The following CD2AP variants were observed in gnomAD, a reference collection of about 807,000 sequenced individuals.
CD2AP encodes the protein CD2 associated protein, also known as CD2-associated protein.
In CD2AP, 46 loss-of-function variants were observed where a neutral mutation model predicts 85.1. The observed-to-expected ratio is 0.54, with a 90% CI of 0.43 to 0.69. CD2AP has a LOEUF of 0.69. Ranked by LOEUF, CD2AP falls within the 30% of genes least tolerant of loss-of-function variation. CD2AP has a pLI of 0.00. For missense variants in CD2AP, 769 were observed against 729.5 expected (o/e 1.05, Z -0.62); for synonymous variants, 255 against 252.9 (o/e 1.01, Z -0.08).
chr6:47,609,085 A>G, intron 15 of CD2AP, 38 bp from the exon 16 acceptor site: 2 of 1,454,500 alleles, frequency 1.4e-6, no homozygotes, highest in Non-Finnish European at 9.4e-7. Flanking sequence ...TAAATATAAT[A>G]TTAAATAAAA....
In CD2AP at chr6:47,595,989, C is replaced by T; in HGVS notation, c.1237C>T (p.Pro413Ser). 6.2e-7 allele frequency: 1 copy of T among 1,612,810 alleles called. No homozygotes were observed. Among genetic ancestry groups the T allele is most frequent in the Non-Finnish European group, 8.5e-7 (1 of 1,179,100 alleles). Reference sequence around the variant, plus strand: ...TTCTGGAACAGTGTACCCAAAGCGACCTGAAAAACCAGTTCCTCCACCACC... The same window carrying T: ...TTCTGGAACAGTGTACCCAAAGCGATCTGAAAAACCAGTTCCTCCACCACC... The part of the protein sequence containing the change: ...RSSGTVYPKR[P>S]EKPVPPPPPI... The change falls in exon 12 of 18, where the codon CCT (proline) becomes TCT (serine). Residue 413 changes from proline to serine, a missense_variant. Physicochemically the swap from Pro to Ser is moderately conservative, Grantham distance 74 (BLOSUM62 -1). Transcript: ENST00000359314.
At chr6:47,602,922 A>C (rs113180106) in intron 13 of CD2AP, among the ~76,000 whole-genome samples, 291 of 152,154 alleles carry the variant, frequency 1.9e-3, no homozygotes, top group African/African-American at 6.8e-3. Flanking sequence ...AAAAAAAGCA[A>C]TTTTAAAGAA....
intron 1 of CD2AP, among the ~76,000 whole-genome samples, chr6:47,480,503 G>A (rs139686373): frequency 1.3e-5 from 2 of 152,278 alleles, no homozygotes; most frequent in Admixed American, 6.5e-5. Context: ...ATGGGCTCTG[G>A]ACAGAGACTA....
chr6:47,542,745 A>T (rs781303500), intron 3 of CD2AP, among the ~76,000 whole-genome samples: 17 of 152,336 alleles, frequency 1.1e-4, no homozygotes, highest in South Asian at 4.1e-4. Context: ...ACCATATCAG[A>T]TACCTAGAAT....
At chr6:47,478,371 C>T (rs12192946) in intron 1 of CD2AP, 123 bp downstream of exon 1, 2 of 1,098,812 alleles carry the variant, frequency 1.8e-6, no homozygotes, top group Non-Finnish European at 2.7e-6. Context: ...ACCCCACCCT[C>T]TCCATTCTCC....
In CD2AP at chr6:47,505,818, C is replaced by G. The variant is rs1766141469; in HGVS notation, c.165+2378C>G. 2.5e-5 allele frequency among the ~76,000 whole-genome samples: 3 copies of G among 119,640 alleles called. No homozygotes were observed. In the South Asian group the frequency reaches 8.7e-4, roughly 35 times the overall value. The allele number at this position is 119,640 out of a possible 152,430, so 78.5% of individuals were successfully genotyped here. A position where few individuals can be genotyped will look rare whatever the true frequency, so the allele number is the denominator to read the frequency against. Reference sequence around the variant, plus strand: ...GCGGGGGGCTGACCCCCCCACCTCCCTCCTGGACGGCACGGCTGTCCGGGC... The same window carrying G: ...GCGGGGGGCTGACCCCCCCACCTCCGTCCTGGACGGCACGGCTGTCCGGGC... On this transcript the variant is annotated intron_variant, in intron 2 of 17. Transcript: ENST00000359314.
At chr6:47,511,857 A>G (rs1042567655) in intron 2 of CD2AP, among the ~76,000 whole-genome samples, 2 of 142,452 alleles carry the variant, frequency 1.4e-5, no homozygotes, top group African/African-American at 2.6e-5. Context: ...TGAAACCTCA[A>G]CTCTACTAAA....
At chr6:47,532,882 T>C (rs911914393) in intron 2 of CD2AP, among the ~76,000 whole-genome samples, 4 of 152,232 alleles carry the variant, frequency 2.6e-5, no homozygotes, top group African/African-American at 9.6e-5. Context: ...AAATATGGCA[T>C]AACTTTGTTT....
At chr6:47,582,496 C>T (rs1768506970) in intron 11 of CD2AP, among the ~76,000 whole-genome samples, 3 of 152,152 alleles carry the variant, frequency 2.0e-5, no homozygotes, top group Admixed American at 1.3e-4. Flanking sequence ...CAGGGTACCA[C>T]ATGTATTTTG....
intron 10 of CD2AP, 80 bp from the exon 11 acceptor site, chr6:47,581,923 A>C: frequency 2.2e-6 from 2 of 899,708 alleles, no homozygotes; most frequent in East Asian, 2.4e-5. Context: ...TTTTCAACTC[A>C]TCTTTACTTT....
intron 5 of CD2AP, among the ~76,000 whole-genome samples, chr6:47,559,746 G>A (rs1767800803): frequency 6.6e-6 from 1 of 151,780 alleles, no homozygotes; most frequent in Non-Finnish European, 1.5e-5. Flanking sequence ...CATAATTATG[G>A]TTTGTTTGTA....
At chr6:47,496,376 T>A (rs1401984195) in intron 1 of CD2AP, among the ~76,000 whole-genome samples, 1 of 152,222 alleles carries the variant, frequency 6.6e-6, no homozygotes, top group Non-Finnish European at 1.5e-5. Context: ...CGATTTTCTT[T>A]CCTCTTTGTC....
At chr6:47,511,122 ATAGTAGCT>A (rs70999631) in intron 2 of CD2AP, among the ~76,000 whole-genome samples, 86,613 of 143,940 alleles carry the variant, frequency 0.6, 26,804 homozygotes, top group Middle Eastern at 0.72. Context: ...ACAGGGAAAA[ATAGTAGCT>A]TAGTAGCTTT....
intron 11 of CD2AP, among the ~76,000 whole-genome samples, chr6:47,584,126 G>A (rs1009677110): frequency 6.6e-6 from 1 of 151,422 alleles, no homozygotes; most frequent in Non-Finnish European, 1.5e-5. Flanking sequence ...TTCTTTCTTT[G>A]TATATTTTGT....
intron 17 of CD2AP, among the ~76,000 whole-genome samples, chr6:47,615,793 AT>A (rs1769565547): frequency 0.012 from 147 of 11,922 alleles, no homozygotes; most frequent in South Asian, 0.12. Flanking sequence ...ATTTAATTTA[AT>A]TTATTTATTT....
chr6:47,566,379 T>G (rs1768003552), intron 5 of CD2AP, among the ~76,000 whole-genome samples: 1 of 150,712 alleles, frequency 6.6e-6, no homozygotes, highest in African/African-American at 2.4e-5. Flanking sequence ...TTGTCTAGAA[T>G]GGTCTCTGAT....
intron 3 of CD2AP, among the ~76,000 whole-genome samples, chr6:47,543,412 ACT>A (rs1165897170): frequency 2.0e-5 from 3 of 152,224 alleles, no homozygotes; most frequent in Non-Finnish European, 2.9e-5. Flanking sequence ...TAAAGTGCAC[ACT>A]CTGATTCAAA....
intron 1 of CD2AP, among the ~76,000 whole-genome samples, chr6:47,488,677 A>G (rs999114404): frequency 4.0e-5 from 6 of 150,198 alleles, no homozygotes; most frequent in Non-Finnish European, 7.4e-5. Flanking sequence ...GCTTGAGACT[A>G]GTAGTTTGAG....
chr6:47,484,363 TTTGTTA>T (rs1325280673), intron 1 of CD2AP, among the ~76,000 whole-genome samples: 39 of 152,118 alleles, frequency 2.6e-4, no homozygotes, highest in African/African-American at 9.4e-4. Context: ...TTTTTTTTTT[TTTGTTA>T]TGTTTTGGTT....
Sources: allele counts gnomAD v4.1 joint callset (sites outside exome capture counted in the v4.1 genomes callset), GRCh38; gene constraint gnomAD v4.1.1; transcripts MANE v1.5; gene names NCBI Gene and HGNC (gene_info 2026-07-23, HGNC 2026-07-21).